The following SLC1A6 variants were observed in gnomAD, a reference collection of about 807,000 sequenced individuals.
SLC1A6 encodes solute carrier family 1 member 6, also known as excitatory amino acid transporter 4.
A neutral mutation model predicts 42.1 loss-of-function variants in SLC1A6; 15 were observed. That is an observed-to-expected ratio of 0.36 (90% CI 0.24 to 0.55). The LOEUF is 0.55. Ranked by LOEUF, SLC1A6 falls within the 20% of genes least tolerant of loss-of-function variation. SLC1A6 has a pLI of 0.88. For missense variants in SLC1A6, 542 were observed against 772.5 expected (o/e 0.70, Z 3.54); for synonymous variants, 317 against 319.7 (o/e 0.99, Z 0.09).
intron 5 of SLC1A6, among the ~76,000 whole-genome samples, chr19:14,963,834 T>A (rs1368544539): frequency 6.7e-6 from 1 of 149,054 alleles, no homozygotes; most frequent in Non-Finnish European, 1.5e-5. Context: ...AAGTCCTCTT[T>A]TTTTTTTTTT....
At chr19:14,996,171 AGGACAGTG>A (rs2045844959) in intron 1 of SLC1A6, among the ~76,000 whole-genome samples, 1 of 152,258 alleles carries the variant, frequency 6.6e-6, no homozygotes, top group African/African-American at 2.4e-5. Flanking sequence ...ATAAACCTTG[AGGACAGTG>A]GGCTAAGTGA....
In SLC1A6 at chr19:14,962,273, C is replaced by T. The variant is rs201564627; in HGVS notation, c.664G>A (p.Ala222Thr). Residue 222 changes from alanine to threonine, a missense_variant, in exon 6 of 10, where the codon GCC (alanine) becomes ACC (threonine). Around this residue, in one of 6 missense-constraint regions of SLC1A6, gnomAD observed 298 missense variants for 419.4 expected, o/e 0.71. Transcript: ENST00000594383. ...VRTENGSEPGASMPPPFSVEN... is the reference protein window; with the variant it reads ...VRTENGSEPGTSMPPPFSVEN... ...ACTGAGAATGGAGGAGGCATGGAGG[C>T]ACCCGGCTCAGACCCGTTCTCTGTC... 2 of 1,614,150 alleles carry T rather than the reference C, an allele frequency of 1.2e-6. No individual in the cohort carries two copies. Among genetic ancestry groups the T allele is most frequent in the Middle Eastern group, 1.6e-4 (1 of 6,062 alleles).
intron 1 of SLC1A6, among the ~76,000 whole-genome samples, chr19:14,995,705 A>C (rs2045842971): frequency 6.6e-6 from 1 of 152,216 alleles, no homozygotes; most frequent in Non-Finnish European, 1.5e-5. Flanking sequence ...TAAATTTTTA[A>C]TTAAAACATA....
chr19:14,993,404 CTGA>C (rs1183414265), intron 1 of SLC1A6, among the ~76,000 whole-genome samples: 1 of 152,024 alleles, frequency 6.6e-6, no homozygotes, highest in Non-Finnish European at 1.5e-5. Flanking sequence ...ACTAAAGTCA[CTGA>C]ACCGTCAACT....
At chr19:14,980,351 T>C (rs1217552078), upstream of SLC1A6, 1 of 152,224 alleles carries the variant, frequency 6.6e-6, no homozygotes, top group Non-Finnish European at 1.5e-5. Flanking sequence ...TTAATATTAT[T>C]CTTTGCTGTC....
intron 1 of SLC1A6, among the ~76,000 whole-genome samples, chr19:15,002,491 G>A (rs906413517): frequency 3.3e-5 from 5 of 152,140 alleles, no homozygotes; most frequent in African/African-American, 1.2e-4. Flanking sequence ...CAGAACAGAA[G>A]CCATGATCGC....
rs545591153 is a variant in SLC1A6 at position 15,006,463 on chromosome 19, T to C, written c.6+4022A>G. 1.5e-3 allele frequency among the ~76,000 whole-genome samples: 227 copies of C among 152,322 alleles called. 3 individuals are homozygous for C. Among genetic ancestry groups the C allele is most frequent in the Middle Eastern group, 6.8e-3 (2 of 294 alleles). ...GCCAAAGGTTATCTGGCCCCATTTC[T>C]TGCTAGTGGCCCTAAAGAACATAAC... On this transcript the variant is annotated intron_variant, in intron 1 of 8. Transcript: ENST00000430939.
At chr19:14,982,679 TG>T (rs1191334609), upstream of SLC1A6, among the ~76,000 whole-genome samples, 1 of 152,244 alleles carries the variant, frequency 6.6e-6, no homozygotes. Flanking sequence ...ATATGGGAGC[TG>T]TCTGTACTAT....
intron 5 of SLC1A6, 86 bp downstream of exon 5, chr19:14,964,233 G>A (rs1023520762): frequency 3.9e-5 from 44 of 1,119,386 alleles, no homozygotes; most frequent in Admixed American, 2.4e-4. Context: ...CCTTCCTCCC[G>A]CCTCTTGCCC....
At chr19:15,000,799 G>C (rs998698507) in intron 1 of SLC1A6, among the ~76,000 whole-genome samples, 1 of 152,200 alleles carries the variant, frequency 6.6e-6, no homozygotes, top group Non-Finnish European at 1.5e-5. Flanking sequence ...ACACCAGTAG[G>C]ATCCAACCCA....
intron 1 of SLC1A6, among the ~76,000 whole-genome samples, chr19:14,992,040 G>T (rs988450844): frequency 2.6e-5 from 4 of 152,066 alleles, no homozygotes; most frequent in Admixed American, 6.6e-5. Context: ...TGGGCAGGCT[G>T]GTCTTGAACT....
At chr19:14,951,961 C>T (rs1220978350) in intron 9 of SLC1A6, among the ~76,000 whole-genome samples, 1 of 145,604 alleles carries the variant, frequency 6.9e-6, no homozygotes, top group African/African-American at 2.5e-5. Flanking sequence ...ACTACAGGTG[C>T]GCCACCACAC....
chr19:14,996,565 T>TTCTTCTTCTTCTTCTTCTTCC, intron 1 of SLC1A6, among the ~76,000 whole-genome samples: 1 of 150,600 alleles, frequency 6.6e-6, no homozygotes, highest in South Asian at 2.1e-4. Context: ...CTTCTTGTTC[T>TTCTTCTTCTTCTTCTTCTTCC]TCTTCCTCTT....
intron 1 of SLC1A6, among the ~76,000 whole-genome samples, chr19:14,985,031 G>T (rs2145227591): frequency 6.6e-6 from 1 of 152,222 alleles, no homozygotes. Context: ...ACAGGTGCGT[G>T]CCACCATGCC....
chr19:14,951,508 GGTTTTT>G (rs76779818), intron 9 of SLC1A6, among the ~76,000 whole-genome samples: 1,779 of 150,006 alleles, frequency 0.012, 8 homozygotes, highest in African/African-American at 0.02. Context: ...TGTTGTTGCT[GGTTTTT>G]GTTTTTGTTT....
chr19:14,988,524 A>G (rs895295555), intron 1 of SLC1A6, among the ~76,000 whole-genome samples: 2 of 152,240 alleles, frequency 1.3e-5, no homozygotes, highest in African/African-American at 4.8e-5. Flanking sequence ...CAACAGGTTC[A>G]TGAAAGAAAA....
chr19:14,972,603 G>T, intron 2 of SLC1A6, 103 bp downstream of exon 2: 1 of 919,636 alleles, frequency 1.1e-6, no homozygotes, highest in Non-Finnish European at 1.7e-6. Flanking sequence ...GTGTGTGCAG[G>T]TGAGAATGAA....
chr19:14,966,034 C>A (rs953975915), intron 4 of SLC1A6, among the ~76,000 whole-genome samples: 1 of 151,840 alleles, frequency 6.6e-6, no homozygotes, highest in African/African-American at 2.4e-5. Flanking sequence ...AACTCAGAAG[C>A]GGGAGGCGGG....
chr19:15,002,783 G>C (rs1158169959), intron 1 of SLC1A6, among the ~76,000 whole-genome samples: 4 of 152,130 alleles, frequency 2.6e-5, no homozygotes, highest in African/African-American at 4.8e-5. Flanking sequence ...AGTCACAGAG[G>C]GCTGACAATT....
Sources: allele counts gnomAD v4.1 joint callset (sites outside exome capture counted in the v4.1 genomes callset), GRCh38; gene constraint gnomAD v4.1.1; regional missense constraint gnomAD v4.1.1; transcripts MANE v1.5; gene names NCBI Gene and HGNC (gene_info 2026-07-23, HGNC 2026-07-21).